Variants in TENT5D observed in about 807,000 individuals in gnomAD.
TENT5D encodes terminal nucleotidyltransferase 5D.
For synonymous variants in TENT5D, 103 were observed against 100.6 expected, an observed-to-expected ratio of 1.02 and a Z score of -0.15; for missense variants, 191 against 287.0, an observed-to-expected ratio of 0.67 and a Z score of 2.42.
At chrX:80,354,582 C>A (rs1930246981) in intron 3 of TENT5D, among the ~76,000 whole-genome samples, 2 of 111,566 alleles carry the variant, frequency 1.8e-5, no homozygotes, top group Non-Finnish European at 3.8e-5. Context: ...TCTTTCAATT[C>A]TTGGACTGTT....
At chrX:80,411,033 G>A (rs1602213844) in intron 3 of TENT5D, among the ~76,000 whole-genome samples, 1 of 96,694 alleles carries the variant, frequency 1.0e-5, no homozygotes, top group South Asian at 5.3e-4. Flanking sequence ...TCATAGGTGG[G>A]AATTGAACAA....
chrX:80,397,475 G>C (rs377150866), intron 3 of TENT5D, among the ~76,000 whole-genome samples: 1 of 102,494 alleles, frequency 9.8e-6, no homozygotes, highest in Non-Finnish European at 2.0e-5. Context: ...GGCTCCTCAC[G>C]TCCCAGACGA....
intron 3 of TENT5D, among the ~76,000 whole-genome samples, chrX:80,408,528 C>T (rs1284869569): frequency 9.1e-6 from 1 of 109,547 alleles, no homozygotes; most frequent in African/African-American, 3.3e-5. Context: ...GACACATACA[C>T]TCTCCCAAGA....
intron 3 of TENT5D, among the ~76,000 whole-genome samples, chrX:80,379,318 A>C (rs1930803993): frequency 9.1e-6 from 1 of 109,397 alleles, no homozygotes; most frequent in Non-Finnish European, 1.9e-5. Context: ...TTGGTGGATA[A>C]GCTTTTTGAT....
intron 3 of TENT5D, among the ~76,000 whole-genome samples, chrX:80,378,274 C>T (rs1372228007): frequency 1.8e-5 from 2 of 111,402 alleles, no homozygotes; most frequent in Non-Finnish European, 3.8e-5. Context: ...GCTTTTGTTG[C>T]CATTGCTTTT....
chrX:80,407,805 TC>T (rs1602211847), intron 3 of TENT5D, among the ~76,000 whole-genome samples: 1 of 106,612 alleles, frequency 9.4e-6, no homozygotes, highest in African/African-American at 3.4e-5. Context: ...TACATTTTTT[TC>T]AGCACCACAC....
At chrX:80,400,116 G>A (rs1408265306) in intron 3 of TENT5D, among the ~76,000 whole-genome samples, 1 of 111,355 alleles carries the variant, frequency 9.0e-6, no homozygotes, top group Non-Finnish European at 1.9e-5. Context: ...CTAGCTGATG[G>A]TGTAACTCTC....
chrX:80,356,910 G>A (rs1469880994), intron 3 of TENT5D, among the ~76,000 whole-genome samples: 5 of 109,813 alleles, frequency 4.6e-5, no homozygotes, highest in South Asian at 4.0e-4. Flanking sequence ...ATCCCTCCCC[G>A]CTCCTCCCAC....
At chrX:80,341,420 A>C (rs983286155) in intron 2 of TENT5D, among the ~76,000 whole-genome samples, 1 of 111,984 alleles carries the variant, frequency 8.9e-6, no homozygotes, top group African/African-American at 3.3e-5. Flanking sequence ...TGTGCTCAGC[A>C]TTGCTCATCT....
Position 80,411,690 on chromosome X carries a change from A to C in TENT5D, c.-141-26920A>C, listed in dbSNP as rs1424563329. ...GAAAAAGTGTTTTCTTGTAATTAAA[A>C]AAAATTGGAAATGACCCAGACATTT... On this transcript the variant is annotated intron_variant, in intron 3 of 4. Coordinates refer to the TENT5D transcript ENST00000538312. 3.5e-5 allele frequency among the ~76,000 whole-genome samples: 4 copies of C among 112,677 alleles called. No homozygotes were observed. The East Asian group carries it at 1.1e-3, about 31-fold the overall frequency.
intron 3 of TENT5D, among the ~76,000 whole-genome samples, chrX:80,405,283 A>G (rs182944525): frequency 4.3e-4 from 48 of 112,850 alleles, no homozygotes; most frequent in African/African-American, 1.5e-3. Flanking sequence ...GCTCCGGTCT[A>G]CAGCTCCCAG....
At chrX:80,366,234 T>TGTGC (rs1380872301) in intron 3 of TENT5D, among the ~76,000 whole-genome samples, 2 of 110,113 alleles carry the variant, frequency 1.8e-5, no homozygotes, top group African/African-American at 6.6e-5. Context: ...TGTGTGTGTG[T>TGTGC]GTGTGTTCCA....
chrX:80,415,642 G>A (rs1029686665), upstream of TENT5D, among the ~76,000 whole-genome samples: 2 of 111,913 alleles, frequency 1.8e-5, no homozygotes, highest in African/African-American at 6.5e-5. Flanking sequence ...CAGGGATAAA[G>A]CCTACTTGAT....
chrX:80,443,620 T>C (rs778054141), exon 3 of TENT5D: 1 of 1,210,461 alleles, frequency 8.3e-7, no homozygotes, highest in Admixed American at 2.2e-5. Flanking sequence ...TGAGGCAAGG[T>C]ACCCTATTTA....
chrX:80,351,010 A>G (rs1479911179), intron 3 of TENT5D, among the ~76,000 whole-genome samples: 5 of 111,776 alleles, frequency 4.5e-5, no homozygotes, highest in Non-Finnish European at 1.9e-5. Flanking sequence ...GCAGAGAGAT[A>G]CGCTGTTAGT....
At chrX:80,427,582 T>G (rs1190921613) in intron 1 of TENT5D, among the ~76,000 whole-genome samples, 3 of 111,711 alleles carry the variant, frequency 2.7e-5, no homozygotes, top group Non-Finnish European at 5.6e-5. Flanking sequence ...AGTTAATTAA[T>G]TAGAGCTCTT....
intron 3 of TENT5D, among the ~76,000 whole-genome samples, chrX:80,380,518 A>C (rs1045900070): frequency 9.0e-6 from 1 of 110,676 alleles, no homozygotes; most frequent in Non-Finnish European, 1.9e-5. Flanking sequence ...TATCCTTGTT[A>C]ACCTTCTGTC....
intron 3 of TENT5D, among the ~76,000 whole-genome samples, chrX:80,414,248 G>T (rs1288562344): frequency 9.0e-6 from 1 of 111,715 alleles, no homozygotes; most frequent in Non-Finnish European, 1.9e-5. Flanking sequence ...AAGCTTGGGA[G>T]GTCAGGGATT....
intron 3 of TENT5D, among the ~76,000 whole-genome samples, chrX:80,392,806 G>A (rs898204017): frequency 3.6e-5 from 4 of 110,252 alleles, no homozygotes; most frequent in East Asian, 2.8e-4. Context: ...GTGAGCCACC[G>A]CGCCCGGCCA....
Sources: gnomAD v4.1 joint callset for allele counts (sites outside exome capture counted in the v4.1 genomes callset) on GRCh38, gnomAD v4.1.1 for gene constraint, MANE v1.5 for transcripts, NCBI Gene and HGNC (gene_info 2026-07-23, HGNC 2026-07-21) for gene names.